The following EPHA6 variants were observed in gnomAD, a reference collection of about 807,000 sequenced individuals.
EPHA6 encodes the protein ephrin type-A receptor 6.
Under a neutral mutation model 112.0 loss-of-function variants are expected in EPHA6, and 50 were observed. The observed-to-expected ratio is 0.45, with a 90% confidence interval of 0.36 to 0.56. The LOEUF (loss-of-function observed/expected upper bound fraction) is 0.56, where lower values mean the gene tolerates loss of function less well. EPHA6 is among the 20% of genes least tolerant of loss of function. EPHA6 has a pLI of 0.00. For synonymous variants in EPHA6, 529 were observed against 490.7 expected, an observed-to-expected ratio of 1.08 and a Z score of -1.03; for missense variants, 1,280 against 1,417.4, an observed-to-expected ratio of 0.90 and a Z score of 1.56.
At chr3:96,856,787 C>A (rs868771458) in intron 1 of EPHA6, among the ~76,000 whole-genome samples, 2 of 152,158 alleles carry the variant, frequency 1.3e-5, no homozygotes, top group Non-Finnish European at 1.5e-5. Flanking sequence ...TTTAAGAAAT[C>A]TTTATCTGTA....
intron 14 of EPHA6, among the ~76,000 whole-genome samples, chr3:97,641,566 G>A (rs144380843): frequency 0.028 from 4,297 of 152,294 alleles, 182 homozygotes; most frequent in African/African-American, 0.097. Flanking sequence ...GACAGTGGGC[G>A]CAGGATAGTG....
chr3:97,697,804 G>C (rs1021048012), intron 14 of EPHA6, among the ~76,000 whole-genome samples: 1 of 152,276 alleles, frequency 6.6e-6, no homozygotes, highest in Middle Eastern at 3.4e-3. Context: ...TTAGGGTGCT[G>C]CTGGCTTTCC....
At chr3:97,296,396 G>T (rs1381903706) in intron 5 of EPHA6, among the ~76,000 whole-genome samples, 1 of 152,186 alleles carries the variant, frequency 6.6e-6, no homozygotes, top group Non-Finnish European at 1.5e-5. Context: ...TTTTCCTGGT[G>T]ATGCGGATGG....
At chr3:97,368,316 G>A (rs1488531768) in intron 5 of EPHA6, among the ~76,000 whole-genome samples, 1 of 151,808 alleles carries the variant, frequency 6.6e-6, no homozygotes, top group East Asian at 1.9e-4. Context: ...TCTCTTAAAA[G>A]GTATTATGTG....
At position 96,845,308 on chromosome 3, in the gene EPHA6, T is replaced by C. The variant is rs147292166; in HGVS notation, c.386-21517T>C. Among the ~76,000 whole-genome samples the C allele has an allele frequency of 2.3e-3, 344 of 152,178 alleles. 1 individual carries two copies. Among genetic ancestry groups the C allele is most frequent in the Non-Finnish European group, 3.5e-3 (239 of 67,970 alleles). On this transcript the variant is annotated intron_variant, in intron 1 of 17. Coordinates refer to ENST00000389672, the MANE Select transcript of EPHA6 (RefSeq NM_001080448.3). ...GGTGGAGCCTTAAAGGAGACTTATT[T>C]ATTTGGTGAGCAGTTGTGCTGGGGC... is the stretch of plus-strand genomic sequence containing the variant.
In EPHA6 at chr3:97,754,997, C is replaced by T. The variant is rs546126884; in HGVS notation, c.*6296C>T. ...GGATTACAGGCGTGAGCCACCGCGC[C>T]CGGCCACAAAGTTTTCTTTTAAACA... On this transcript the variant is annotated 3_prime_UTR_variant, in exon 18 of 18. Coordinates refer to ENST00000389672, the MANE Select transcript of EPHA6 (RefSeq NM_001080448.3). 6.6e-6 allele frequency among the ~76,000 whole-genome samples: 1 copy of T among 152,332 alleles called. No individual in the cohort carries two copies. Among genetic ancestry groups the T allele is most frequent in the East Asian group, 1.9e-4 (1 of 5,182 alleles).
chr3:97,442,778 A>C (rs901580604), intron 6 of EPHA6, among the ~76,000 whole-genome samples: 1 of 152,166 alleles, frequency 6.6e-6, no homozygotes, highest in Non-Finnish European at 1.5e-5. Context: ...GACTATGTGT[A>C]CCCAGGTAGA....
intron 14 of EPHA6, among the ~76,000 whole-genome samples, chr3:97,707,777 T>A (rs2033758741): frequency 6.6e-6 from 1 of 152,116 alleles, no homozygotes; most frequent in South Asian, 2.1e-4. Context: ...GTTTCCCCCA[T>A]GTTGTTCTCA....
intron 3 of EPHA6, among the ~76,000 whole-genome samples, chr3:96,997,157 T>A (rs2043452736): frequency 1.3e-5 from 2 of 152,162 alleles, no homozygotes; most frequent in African/African-American, 4.8e-5. Flanking sequence ...TAATTCCATG[T>A]TAGGGTCTTA....
intron 13 of EPHA6, among the ~76,000 whole-genome samples, chr3:97,625,506 T>A (rs1013296883): frequency 1.3e-5 from 2 of 151,854 alleles, no homozygotes; most frequent in African/African-American, 4.8e-5. Flanking sequence ...TTGTTCTATT[T>A]TTCTTGGGTA....
At chr3:97,396,342 C>G (rs1358577162) in intron 5 of EPHA6, among the ~76,000 whole-genome samples, 1 of 147,126 alleles carries the variant, frequency 6.8e-6, no homozygotes, top group East Asian at 2.0e-4. Context: ...TTATAGCTGA[C>G]TGAGAATTAG....
chr3:97,419,050 A>G (rs964770092), intron 6 of EPHA6, among the ~76,000 whole-genome samples: 3 of 152,204 alleles, frequency 2.0e-5, no homozygotes, highest in Non-Finnish European at 2.9e-5. Flanking sequence ...CACGCCTGTA[A>G]TCCCAGCACT....
intron 14 of EPHA6, among the ~76,000 whole-genome samples, chr3:97,677,744 AAG>A (rs1480047912): frequency 9.9e-5 from 15 of 150,952 alleles, no homozygotes; most frequent in African/African-American, 3.6e-4. Context: ...AAAAAAAAAA[AAG>A]ATGTGGTTGT....
intron 11 of EPHA6, among the ~76,000 whole-genome samples, chr3:97,545,894 C>CT (rs1245960273): frequency 8.6e-5 from 13 of 151,930 alleles, no homozygotes; most frequent in African/African-American, 2.9e-4. Context: ...CAACCCCTGC[C>CT]TTTTTTTGTT....
chr3:96,886,408 G>A (rs988061022), intron 2 of EPHA6, among the ~76,000 whole-genome samples: 8 of 152,114 alleles, frequency 5.3e-5, no homozygotes, highest in African/African-American at 1.9e-4. Context: ...CTTGGACAAG[G>A]CCTTTTACCA....
chr3:97,157,170 A>G (rs1576588081), intron 3 of EPHA6, among the ~76,000 whole-genome samples: 1 of 152,204 alleles, frequency 6.6e-6, no homozygotes, highest in East Asian at 1.9e-4. Context: ...AGTAAGTTTA[A>G]CTTTATTTTG....
At position 97,749,586 on chromosome 3, in the gene EPHA6, A is replaced by C. The variant is rs1160347512; in HGVS notation, c.*885A>C. On this transcript the variant is annotated 3_prime_UTR_variant, in exon 18 of 18. Coordinates refer to ENST00000389672, the MANE Select transcript of EPHA6 (RefSeq NM_001080448.3). ...AAATCCATGACTATTTCCTTTGTGC[A>C]TTGTCACAAGTTTGCAAAAGCAATT... Among the ~76,000 whole-genome samples, 1 of 152,172 alleles carries C rather than the reference A, an allele frequency of 6.6e-6. No individual in the cohort carries two copies. Among genetic ancestry groups the C allele is most frequent in the Non-Finnish European group, 1.5e-5 (1 of 68,022 alleles).
At chr3:97,645,117 G>C (rs1034066325) in intron 14 of EPHA6, among the ~76,000 whole-genome samples, 1 of 152,090 alleles carries the variant, frequency 6.6e-6, no homozygotes, top group Non-Finnish European at 1.5e-5. Context: ...CGATTCCTCA[G>C]GGATCTACAA....
chr3:96,948,937 T>C (rs1052224528), intron 2 of EPHA6, among the ~76,000 whole-genome samples: 3 of 152,186 alleles, frequency 2.0e-5, no homozygotes, highest in African/African-American at 7.2e-5. Flanking sequence ...TCCTAAGTTG[T>C]GAGTGACTGG....
Sources: allele counts gnomAD v4.1 joint callset (sites outside exome capture counted in the v4.1 genomes callset), GRCh38; gene constraint gnomAD v4.1.1; transcripts MANE v1.5; gene names NCBI Gene and HGNC (gene_info 2026-07-23, HGNC 2026-07-21).